VRK2: variants seen among roughly 807,000 people sequenced by gnomAD.
The protein encoded by VRK2 is VRK serine/threonine kinase 2.
In VRK2, 60 loss-of-function variants were observed where a neutral mutation model predicts 57.6. The observed-to-expected ratio is 1.04, with a 90% CI of 0.85 to 1.29. VRK2 has a LOEUF of 1.29. Among genes scored for constraint, VRK2 ranks in the 50% most tolerant of loss-of-function variants. VRK2 has a pLI of 0.00. For synonymous variants in VRK2, 231 were observed against 199.2 expected (o/e 1.16, Z -1.35); for missense variants, 705 against 588.1 (o/e 1.20, Z -2.06).
chr2:57,991,769 A>C (rs1279991777), intron 1 of VRK2, among the ~76,000 whole-genome samples: 2 of 150,344 alleles, frequency 1.3e-5, no homozygotes, highest in African/African-American at 4.9e-5. Flanking sequence ...AACATGGTGA[A>C]ACCCCGTCTC....
At chr2:58,094,376 T>C (rs1309893057) in intron 7 of VRK2, among the ~76,000 whole-genome samples, 1 of 152,232 alleles carries the variant, frequency 6.6e-6, no homozygotes, top group African/African-American at 2.4e-5. Context: ...GAAGAGGTCC[T>C]TCACATCCCT....
In VRK2 at chr2:58,123,214, G is replaced by T; in HGVS notation, c.657G>T (p.Leu219Phe). ...ATGGGACAATAGAGTTTACCAGCTT[G>T]GATGCCCACAAGGGAGTAGGTGGGT... ...GHNGTIEFTSLDAHKGVALSR... is the reference protein window; with the variant it reads ...GHNGTIEFTSFDAHKGVALSR... Residue 219 changes from leucine (L) to phenylalanine (F), a missense_variant, in exon 8 of 13, where the codon TTG becomes TTT. Transcript: ENST00000340157. 6.3e-7 allele frequency: 1 copy of T among 1,585,258 alleles called. No homozygotes were observed.
intron 2 of VRK2, among the ~76,000 whole-genome samples, chr2:58,062,930 A>T (rs1284603612): frequency 6.6e-6 from 1 of 152,100 alleles, no homozygotes; most frequent in Non-Finnish European, 1.5e-5. Flanking sequence ...TTGGAAGAAG[A>T]TACTGTGTAG....
intron 7 of VRK2, among the ~76,000 whole-genome samples, chr2:58,111,852 T>G (rs986135085): frequency 1.1e-4 from 16 of 152,174 alleles, no homozygotes; most frequent in African/African-American, 3.4e-4. Context: ...GATTATAGAT[T>G]GGCAACTTTT....
chr2:58,147,250 A>G, intron 12 of VRK2: 3 of 503,042 alleles, frequency 6.0e-6, no homozygotes, highest in Non-Finnish European at 1.2e-5. Flanking sequence ...GAAGCATAGT[A>G]CTTATGCATT....
At chr2:58,015,478 CATT>C (rs1316638212) in intron 1 of VRK2, among the ~76,000 whole-genome samples, 2 of 152,116 alleles carry the variant, frequency 1.3e-5, no homozygotes, top group African/African-American at 4.8e-5. Context: ...ATACCTATCT[CATT>C]ATTATTTTAT....
chr2:57,907,638 T>C (rs370855713), upstream of VRK2: 1 of 152,114 alleles, frequency 6.6e-6, no homozygotes, highest in Non-Finnish European at 1.5e-5. Flanking sequence ...CATCCTAAAC[T>C]CCCTCCAACC....
intron 1 of VRK2, among the ~76,000 whole-genome samples, chr2:57,997,024 G>T (rs1466996722): frequency 6.6e-6 from 1 of 151,632 alleles, no homozygotes; most frequent in African/African-American, 2.4e-5. Flanking sequence ...ACCTTAACAA[G>T]GAAAGAAAGA....
chr2:58,113,112 T>C (rs1316459764), intron 7 of VRK2, among the ~76,000 whole-genome samples: 2 of 151,866 alleles, frequency 1.3e-5, no homozygotes, highest in Non-Finnish European at 2.9e-5. Context: ...AGTTCCAGAC[T>C]AGCCTGGCCA....
chr2:57,964,231 A>T (rs1671842297), intron 1 of VRK2, among the ~76,000 whole-genome samples: 1 of 152,228 alleles, frequency 6.6e-6, no homozygotes, highest in Non-Finnish European at 1.5e-5. Flanking sequence ...TTCATATGTT[A>T]TATGTATTAT....
chr2:58,019,757 CAGAGTAA>C (rs1207981504), intron 1 of VRK2, among the ~76,000 whole-genome samples: 1 of 152,094 alleles, frequency 6.6e-6, no homozygotes, highest in Non-Finnish European at 1.5e-5. Context: ...TCCTATTGCT[CAGAGTAA>C]AGAGTAAATA....
intron 1 of VRK2, among the ~76,000 whole-genome samples, chr2:57,923,231 T>C (rs1489514477): frequency 2.0e-5 from 3 of 152,056 alleles, no homozygotes; most frequent in African/African-American, 7.2e-5. Context: ...CTTTGGGATA[T>C]ATACCTAGCT....
At chr2:58,111,736 C>T (rs1675599679) in intron 7 of VRK2, among the ~76,000 whole-genome samples, 1 of 151,854 alleles carries the variant, frequency 6.6e-6, no homozygotes, top group East Asian at 1.9e-4. Flanking sequence ...AGGGGTATTA[C>T]ACATATTTAC....
At chr2:58,069,418 G>A (rs570740554) in intron 2 of VRK2, among the ~76,000 whole-genome samples, 1 of 152,212 alleles carries the variant, frequency 6.6e-6, no homozygotes, top group Admixed American at 6.5e-5. Context: ...TTGTGGTGAC[G>A]TTCCCAAGCT....
At chr2:58,012,946 T>C (rs1343062966) in intron 1 of VRK2, among the ~76,000 whole-genome samples, 2 of 152,216 alleles carry the variant, frequency 1.3e-5, no homozygotes, top group East Asian at 1.9e-4. Context: ...TGTTGAAAGC[T>C]TGACATGTCA....
intron 1 of VRK2, among the ~76,000 whole-genome samples, chr2:57,955,347 A>C (rs114584432): frequency 0.024 from 3,547 of 147,446 alleles, 57 homozygotes; most frequent in Non-Finnish European, 0.036. Context: ...ATGCAAACAC[A>C]TATATCTAAA....
At chr2:57,986,219 TA>T (rs957855264) in intron 1 of VRK2, among the ~76,000 whole-genome samples, 51 of 145,976 alleles carry the variant, frequency 3.5e-4, no homozygotes, top group South Asian at 8.7e-4. Flanking sequence ...TATATTTCTT[TA>T]AAAAAAAAAA....
At chr2:57,943,026 C>A (rs1568254) in intron 1 of VRK2, among the ~76,000 whole-genome samples, 102,126 of 152,104 alleles carry the variant, frequency 0.67, 35,121 homozygotes, top group African/African-American at 0.84. Flanking sequence ...TTTATATAGG[C>A]ATTATAAGCA....
chr2:57,946,112 A>T (rs1027349796), intron 1 of VRK2, among the ~76,000 whole-genome samples: 1 of 152,134 alleles, frequency 6.6e-6, no homozygotes, highest in Admixed American at 6.5e-5. Context: ...ATTTATTTAT[A>T]TCCAAAATCT....
Sources: allele counts gnomAD v4.1 joint callset (sites outside exome capture counted in the v4.1 genomes callset), GRCh38; gene constraint gnomAD v4.1.1; transcripts MANE v1.5; gene names NCBI Gene and HGNC (gene_info 2026-07-23, HGNC 2026-07-21).